Variants in ARHGAP32 observed in about 807,000 individuals in gnomAD.
ARHGAP32 encodes Rho GTPase activating protein 32, also known as rho GTPase-activating protein 32.
In ARHGAP32, 51 loss-of-function variants were observed where a neutral mutation model predicts 186.5. That is an observed-to-expected ratio of 0.27 (90% CI 0.22 to 0.35). The LOEUF (loss-of-function observed/expected upper bound fraction) is 0.35, where lower values mean the gene tolerates loss of function less well. ARHGAP32 is among the 10% of genes least tolerant of loss of function. ARHGAP32 has a pLI of 1.00. For missense variants in ARHGAP32, 2,186 were observed against 2,623.5 expected (o/e 0.83, Z 3.64); for synonymous variants, 950 against 964.3 (o/e 0.99, Z 0.27).
intron 1 of ARHGAP32, among the ~76,000 whole-genome samples, chr11:129,243,599 A>G (rs1945049149): frequency 6.6e-6 from 1 of 152,158 alleles, no homozygotes; most frequent in Admixed American, 6.5e-5. Flanking sequence ...TCATTTACCA[A>G]TGTCACATGA....
intron 11 of ARHGAP32, chr11:129,024,223 C>T (rs1938732450): frequency 1.0e-6 from 1 of 970,036 alleles, no homozygotes; most frequent in African/African-American, 1.8e-5. Flanking sequence ...CCAGCCTAAA[C>T]TCACACTTGC....
In ARHGAP32 at chr11:129,191,867, C is replaced by T. The variant is rs150736100; in HGVS notation, c.116+216G>A. Reference sequence around the variant, plus strand: ...TCTAACACCTTCTCCTCCTGGCGTTCTAACAAGTCCTTTAAAATGCATTTT... The same window carrying T: ...TCTAACACCTTCTCCTCCTGGCGTTTTAACAAGTCCTTTAAAATGCATTTT... On this transcript the variant is annotated intron_variant, in intron 1 of 22. Coordinates refer to ENST00000682385, the MANE Select transcript of ARHGAP32 (RefSeq NM_001378024.1). 1.6e-3 allele frequency among the ~76,000 whole-genome samples: 244 copies of T among 152,196 alleles called. 1 individual carries two copies. The highest frequency in any genetic ancestry group is 5.7e-3 in the African/African-American group (236 of 41,504).
At chr11:128,987,930 G>A (rs1945925841) in intron 13 of ARHGAP32, 93 bp downstream of exon 13, 2 of 819,486 alleles carry the variant, frequency 2.4e-6, no homozygotes, top group Non-Finnish European at 4.0e-6. Context: ...TATCTTTAAT[G>A]AAAATAGGTT....
Position 128,980,646 on chromosome 11 carries a change from G to A in ARHGAP32, c.1883C>T (p.Pro628Leu). 6.2e-7 allele frequency: 1 copy of A among 1,613,990 alleles called. No individual in the cohort carries two copies. The highest frequency in any genetic ancestry group is 8.5e-7 in the Non-Finnish European group (1 of 1,179,934). The stretch of plus-strand genomic sequence containing the variant: ...GATATATTTATTTTCCGTCACAATT[G>A]GAGAATTGACCTGAGCTTGTGTTCG... ...QARTQAQVNS[P>L]IVTENKYIEV... The change falls in exon 18 of 23, where the codon CCA (proline) becomes CTA (leucine). Residue 628 changes from proline (P) to leucine (L), a missense_variant. Coordinates refer to ENST00000682385, the MANE Select transcript of ARHGAP32 (RefSeq NM_001378024.1).
intron 1 of ARHGAP32, among the ~76,000 whole-genome samples, chr11:129,232,837 T>A (rs2135641138): frequency 6.6e-6 from 1 of 152,260 alleles, no homozygotes; most frequent in South Asian, 2.1e-4. Context: ...GTCCTTCTCA[T>A]GCCTCCAATC....
chr11:129,061,063 TA>T (rs1940482895), intron 10 of ARHGAP32, among the ~76,000 whole-genome samples: 2 of 152,072 alleles, frequency 1.3e-5, no homozygotes, highest in Non-Finnish European at 2.9e-5. Flanking sequence ...TATGTTTTAA[TA>T]AAAAATATAT....
At chr11:129,250,922 T>C (rs981709526) in intron 1 of ARHGAP32, among the ~76,000 whole-genome samples, 1 of 152,224 alleles carries the variant, frequency 6.6e-6, no homozygotes, top group Non-Finnish European at 1.5e-5. Flanking sequence ...CCATAAGCAG[T>C]GTATGAATTC....
rs763020103 is a variant in ARHGAP32, at chr11:128,985,985, T to TTA, written c.1526+16_1526+17dup. The TTA allele has an allele frequency of 6.3e-7, 1 of 1,592,932 alleles. No individual in the cohort carries two copies. The highest frequency in any genetic ancestry group is 1.8e-5 in the Admixed American group (1 of 55,502). On this transcript the variant is annotated intron_variant, in intron 15 of 22. Transcript: ENST00000682385. ...ACCGACTTCTACCTCTGCCTGGTAT[T>TTA]TACCCACTGTGGCTGACCTGTAGTG...
intron 18 of ARHGAP32, 46 bp from the exon 19 acceptor site, chr11:128,978,961 GTCTTT>G (rs758215054): frequency 1.3e-6 from 2 of 1,526,678 alleles, no homozygotes; most frequent in African/African-American, 2.8e-5. Context: ...CCATGGGTCT[GTCTTT>G]TCTTACAGAA....
intron 6 of ARHGAP32, 133 bp downstream of exon 6, chr11:129,093,488 C>T: frequency 1.5e-6 from 1 of 671,496 alleles, no homozygotes; most frequent in South Asian, 1.7e-5. Flanking sequence ...TGCACAATCT[C>T]ATTTCAGTAT....
At chr11:129,034,672 G>A (rs78233530) in intron 11 of ARHGAP32, among the ~76,000 whole-genome samples, 1,718 of 149,390 alleles carry the variant, frequency 0.012, 31 homozygotes, top group African/African-American at 0.04. Context: ...ACACATAGCA[G>A]AGTGAGGAAT....
chr11:129,074,457 G>GT (rs754521665), intron 6 of ARHGAP32, among the ~76,000 whole-genome samples: 37 of 152,068 alleles, frequency 2.4e-4, no homozygotes, highest in Non-Finnish European at 1.8e-4. Flanking sequence ...TAGTTGTAAT[G>GT]TATATCACAA....
Position 129,066,747 on chromosome 11 carries a change from A to T in ARHGAP32, c.653T>A (p.Leu218Gln). Residue 218 changes from leucine to glutamine, a missense_variant, in exon 7 of 23, where the codon CTG becomes CAG. Transcript: ENST00000682385. ...QLSELPRSDT[L>Q]KDSPESVTQM... ...AATGCTTACCTCTGGACTGTCCTTC[A>T]GGGTGTCAGAACGGGGAAGTTCTGA... 6.2e-7 allele frequency: 1 copy of T among 1,612,324 alleles called. No homozygotes were observed. The highest frequency in any genetic ancestry group is 8.5e-7 in the Non-Finnish European group (1 of 1,178,828).
At chr11:129,191,883 A>C (rs1416352537) in intron 1 of ARHGAP32, among the ~76,000 whole-genome samples, 200 bp downstream of exon 1, 1 of 152,094 alleles carries the variant, frequency 6.6e-6, no homozygotes, top group Non-Finnish European at 1.5e-5. Context: ...AGTCCTTTAA[A>C]ATGCATTTTA....
At chr11:129,056,509 A>T (rs889451840) in intron 10 of ARHGAP32, among the ~76,000 whole-genome samples, 10 of 152,186 alleles carry the variant, frequency 6.6e-5, no homozygotes, top group African/African-American at 2.2e-4. Context: ...GGCCTCCCAA[A>T]GTGCTAGGAT....
intron 11 of ARHGAP32, among the ~76,000 whole-genome samples, chr11:129,002,977 T>A (rs1411062153): frequency 6.6e-6 from 1 of 151,996 alleles, no homozygotes; most frequent in Admixed American, 6.5e-5. Context: ...CCCGGCTAAC[T>A]TTTTGTATTT....
chr11:129,002,331 GTATTT>G (rs1241621911), intron 11 of ARHGAP32, among the ~76,000 whole-genome samples: 2 of 151,960 alleles, frequency 1.3e-5, no homozygotes, highest in African/African-American at 2.4e-5. Context: ...TAATTCCTAG[GTATTT>G]TATTTTATTT....
Position 129,123,935 on chromosome 11 carries a change from C to G in ARHGAP32, c.318-6G>C. On this transcript the variant is annotated splice_region_variant and splice_polypyrimidine_tract_variant and intron_variant, in intron 3 of 22. Transcript: ENST00000682385. This position sits in a 1 kb window ranked among gnomAD's most constrained non-coding sequence, Gnocchi z 4.6. ...TCAGTCCTGGAGTGGTGGACCTGAA[C>G]GCAGAATGAACATTTTTATCCTTGT... 1 of 1,289,820 alleles carries G rather than the reference C, an allele frequency of 7.8e-7. No individual in the cohort carries two copies. The highest frequency in any genetic ancestry group is 1.0e-6 in the Non-Finnish European group (1 of 989,244). 79.9% of individuals were successfully genotyped at this position (1,289,820 alleles called of 1,614,324 possible). A position where few individuals can be genotyped will look rare whatever the true frequency, so the allele number is the denominator to read the frequency against.
intron 12 of ARHGAP32, among the ~76,000 whole-genome samples, chr11:128,990,438 A>C (rs1204278842): frequency 1.3e-5 from 2 of 152,212 alleles, no homozygotes; most frequent in East Asian, 3.8e-4. Flanking sequence ...TTAATTTACC[A>C]GTGCCCTGAG....
Sources: gnomAD v4.1 joint callset for allele counts (sites outside exome capture counted in the v4.1 genomes callset) on GRCh38, gnomAD v4.1.1 for gene constraint, Gnocchi (gnomAD v3.1) non-coding constraint, MANE v1.5 for transcripts, NCBI Gene and HGNC (gene_info 2026-07-23, HGNC 2026-07-21) for gene names.